Variants in HROB observed in about 807,000 individuals in gnomAD.
The protein encoded by HROB is homologous recombination OB-fold protein.
A neutral mutation model predicts 61.0 loss-of-function variants in HROB; 44 were observed. The observed-to-expected ratio is 0.72, with a 90% confidence interval of 0.57 to 0.93. The LOEUF (loss-of-function observed/expected upper bound fraction) is 0.93. Ranked by LOEUF, HROB falls within the 40% of genes least tolerant of loss-of-function variation. The pLI, the probability that HROB is intolerant of heterozygous loss-of-function variation, is 0.00. For synonymous variants in HROB, 301 were observed against 310.4 expected, an observed-to-expected ratio of 0.97 and a Z score of 0.32; for missense variants, 716 against 796.2, an observed-to-expected ratio of 0.90 and a Z score of 1.21.
In HROB at chr17:44,149,084, C is replaced by T. The variant is rs533792096; in HGVS notation, c.1224+57C>T. 72 of 1,495,596 alleles carry T rather than the reference C, an allele frequency of 4.8e-5. No individual in the cohort carries two copies. In the South Asian group the frequency reaches 8.4e-4, roughly 17 times the overall value. 92.6% of individuals were successfully genotyped at this position (1,495,596 alleles called of 1,614,324 possible). On this transcript the variant is annotated intron_variant, in intron 3 of 9. Coordinates refer to ENST00000585683, the MANE Select transcript of HROB (RefSeq NM_001171251.3). ...GCAAGGGAGAGAAGCAGGGTTCCAG[C>T]ACTGTCCAGCCCTAGCATATCTTCC...
Position 44,161,780 on chromosome 17 carries a change from C to T in HROB, c.1880-91C>T, listed in dbSNP as rs540119386. 1.5e-4 allele frequency: 213 copies of T among 1,404,850 alleles called. 1 individual carries two copies. In the African/African-American group the frequency reaches 2.8e-3, roughly 18 times the overall value. The allele number at this position is 1,404,850 out of a possible 1,614,324, so 87.0% of individuals were successfully genotyped here. A position where few individuals can be genotyped will look rare whatever the true frequency, so the allele number is the denominator to read the frequency against. On this transcript the variant is annotated intron_variant, in intron 9 of 9. Transcript: ENST00000585683. ...GCCTGCCCAGCTATACAGCCAGGTC[C>T]AGGCCCTCCTGAAGGGCAGAAACTT...
At chr17:44,158,593 C>T (rs1467149348) in intron 9 of HROB, among the ~76,000 whole-genome samples, 5 of 152,118 alleles carry the variant, frequency 3.3e-5, no homozygotes, top group African/African-American at 1.2e-4. Context: ...AGCAGTCCTC[C>T]CACCTCAGCC....
rs1156855939 is a variant in HROB, at chr17:44,142,466, C to CTTTTTT, written c.3+335_3+340dup. Among the ~76,000 whole-genome samples, 13 of 137,854 alleles carry CTTTTTT rather than the reference C, an allele frequency of 9.4e-5. 4 individuals are homozygous for CTTTTTT. Among genetic ancestry groups the CTTTTTT allele is most frequent in the African/African-American group, 5.4e-5 (2 of 37,224 alleles). 90.4% of individuals were successfully genotyped at this position (137,854 alleles called of 152,430 possible). A position where few individuals can be genotyped will look rare whatever the true frequency, so the allele number is the denominator to read the frequency against. Reference sequence around the variant, plus strand: ...TCCCCTCCCCGCCCCACACTTTCTACTTTTTTTTTTTTTTTTTTTGGACGA... The same window carrying CTTTTTT: ...TCCCCTCCCCGCCCCACACTTTCTACTTTTTTTTTTTTTTTTTTTTTTTTTGGACGA... On this transcript the variant is annotated intron_variant, in intron 1 of 9. Coordinates refer to ENST00000585683, the MANE Select transcript of HROB (RefSeq NM_001171251.3).
At chr17:44,155,066 C>A in intron 7 of HROB, 128 bp downstream of exon 7, 1 of 1,340,230 alleles carries the variant, frequency 7.5e-7, no homozygotes. Context: ...TAGGCCCTGG[C>A]TTGAGCTCAG....
At position 44,155,357 on chromosome 17, in the gene HROB, C is replaced by T. The variant is rs143332250; in HGVS notation, c.1716C>T (p.Tyr572=). 4.9e-5 allele frequency: 79 copies of T among 1,614,076 alleles called. No homozygotes were observed. The highest frequency in any genetic ancestry group is 6.3e-5 in the Non-Finnish European group (74 of 1,180,042). Residue 572 remains tyrosine (Y), a synonymous_variant, in exon 8 of 10, where the codon TAC becomes TAT. Transcript: ENST00000585683. ...CACCCAACAACCTGGTCCATATTTACAGCCCGGATTCTGGGGATGGGAGCT... is the reference window on the plus strand; with the variant it reads ...CACCCAACAACCTGGTCCATATTTATAGCCCGGATTCTGGGGATGGGAGCT... ...NVTPNNLVHI[Y]SPDSGDGSFL... is the part of the protein sequence containing the mutation.
At chr17:44,156,568 A>G (rs1715211186) in intron 8 of HROB, among the ~76,000 whole-genome samples, 1 of 152,194 alleles carries the variant, frequency 6.6e-6, no homozygotes, top group Non-Finnish European at 1.5e-5. Context: ...ATTGAAATAA[A>G]TCAAAATAGC....
At position 44,154,582 on chromosome 17, in the gene HROB, C is replaced by G; in HGVS notation, c.1476C>G (p.Asn492Lys). Residue 492 changes from asparagine (N) to lysine (K), a missense_variant, in exon 6 of 10, where the codon AAC (asparagine) becomes AAG (lysine). Coordinates refer to ENST00000585683, the MANE Select transcript of HROB (RefSeq NM_001171251.3). ...RKAALKQLPR[N>K]KVPNMAVMIK... The stretch of plus-strand genomic sequence containing the variant: ...CAGCCCTGAAGCAGCTTCCTAGGAA[C>G]AAGGTCCCCAACATGGCGGTGATGA... 2 of 1,614,160 alleles carry G rather than the reference C, an allele frequency of 1.2e-6. No homozygotes were observed. The highest frequency in any genetic ancestry group is 1.1e-5 in the South Asian group (1 of 91,076).
intron 2 of HROB, among the ~76,000 whole-genome samples, chr17:44,146,240 G>A (rs2053608066): frequency 6.6e-6 from 1 of 152,142 alleles, no homozygotes; most frequent in African/African-American, 2.4e-5. Context: ...TGTAGAGACA[G>A]GGTCTTACTA....
intron 5 of HROB, chr17:44,154,239 G>C (rs914552218): frequency 1.2e-5 from 3 of 256,314 alleles, no homozygotes; most frequent in Non-Finnish European, 2.3e-5. Flanking sequence ...CTACTTGGGA[G>C]CCTGAGGCAG....
Position 44,148,973 on chromosome 17 carries a change from C to T in HROB, c.1170C>T (p.Ser390=). 6.2e-7 allele frequency: 1 copy of T among 1,614,092 alleles called. No individual in the cohort carries two copies. Among genetic ancestry groups the T allele is most frequent in the Non-Finnish European group, 8.5e-7 (1 of 1,179,962 alleles). The stretch of plus-strand genomic sequence containing the variant: ...CACCCCAGCAGCCCACCCATCCCTC[C>T]ACCCGAGCCAAAACTCGCCGTTTCC... ...SRTPQQPTHP[S]TRAKTRRFPG... The change falls in exon 3 of 10, where the codon TCC becomes TCT. Residue 390 remains serine (S), a synonymous_variant. Transcript: ENST00000585683.
At chr17:44,146,415 G>A (rs1458662882) in intron 2 of HROB, among the ~76,000 whole-genome samples, 1 of 152,136 alleles carries the variant, frequency 6.6e-6, no homozygotes, top group Non-Finnish European at 1.5e-5. Flanking sequence ...CCTTGTCTTT[G>A]TCTTTCAGCT....
chr17:44,152,703 T>G lies in HROB; in HGVS notation c.1375T>G (p.Ser459Ala), dbSNP rs1352940603. The change falls in exon 5 of 10, where the codon TCC becomes GCC. Residue 459 changes from serine to alanine, a missense_variant. By Grantham distance (99) the Ser-to-Ala change is moderately conservative. Transcript: ENST00000585683. ...GCGAGGGCCCTGGCTGACCATGAAATCCACGCTAGGCCTGGATGAGAGAGA... is the reference window on the plus strand; with the variant it reads ...GCGAGGGCCCTGGCTGACCATGAAAGCCACGCTAGGCCTGGATGAGAGAGA... ...FGRGPWLTMK[S>A]TLGLDERDPS... The G allele has an allele frequency of 3.1e-6, 5 of 1,614,038 alleles. No homozygotes were observed. Among genetic ancestry groups the G allele is most frequent in the Non-Finnish European group, 4.2e-6 (5 of 1,180,034 alleles).
chr17:44,150,850 T>C, intron 3 of HROB, 111 bp from the exon 4 acceptor site: 1 of 874,444 alleles, frequency 1.1e-6, no homozygotes, highest in Non-Finnish European at 1.9e-6. Flanking sequence ...TAATATGTGT[T>C]AATAGTCCCT....
At position 44,148,735 on chromosome 17, in the gene HROB, AAGCTCATTTACCCAG is replaced by A; in HGVS notation, c.934_948del (p.Ala312_Arg316del). 1 of 1,614,164 alleles carries A rather than the reference AAGCTCATTTACCCAG, an allele frequency of 6.2e-7. No homozygotes were observed. The highest frequency in any genetic ancestry group is 8.5e-7 in the Non-Finnish European group (1 of 1,180,016). On this transcript the variant is annotated inframe_deletion, in exon 3 of 10. Coordinates refer to ENST00000585683, the MANE Select transcript of HROB (RefSeq NM_001171251.3). ...TCTCCAAGTTCCTGGTTAAGTGGCA[AAGCTCATTTACCCAG>A]ACCTCGAACTCCCAACTCAAGCTGT...
intron 2 of HROB, 49 bp downstream of exon 2, chr17:44,145,302 A>G (rs1479205490): frequency 6.2e-7 from 1 of 1,603,922 alleles, no homozygotes; most frequent in Non-Finnish European, 8.5e-7. Flanking sequence ...CTTAAAATGT[A>G]AACACTCAGG....
Position 44,162,183 on chromosome 17 carries a change from C to T in HROB, c.*251C>T. 2.0e-6 allele frequency: 1 copy of T among 489,572 alleles called. No individual in the cohort carries two copies. Among genetic ancestry groups the T allele is most frequent in the East Asian group, 3.6e-5 (1 of 27,986 alleles). 30.3% of individuals were successfully genotyped at this position (489,572 alleles called of 1,614,324 possible). On this transcript the variant is annotated 3_prime_UTR_variant, in exon 10 of 10. Transcript: ENST00000585683. The stretch of plus-strand genomic sequence containing the variant: ...TGGCTCTCCAGCCAACAAGAAAGGC[C>T]TGTCACCCTCGCCTTGGGTGTCCCT...
intron 9 of HROB, among the ~76,000 whole-genome samples, chr17:44,158,629 T>G (rs191429509): frequency 6.7e-6 from 1 of 150,366 alleles, no homozygotes; most frequent in Non-Finnish European, 1.5e-5. Flanking sequence ...ACTATAGGTA[T>G]GTGCCACTAT....
At chr17:44,145,459 A>G (rs1434084161) in intron 2 of HROB, among the ~76,000 whole-genome samples, 4 of 152,218 alleles carry the variant, frequency 2.6e-5, no homozygotes, top group African/African-American at 9.6e-5. Flanking sequence ...TGAATTGCCT[A>G]ATTGTCATAC....
At chr17:44,160,102 C>T (rs1455256204) in intron 9 of HROB, among the ~76,000 whole-genome samples, 1 of 152,256 alleles carries the variant, frequency 6.6e-6, no homozygotes, top group Non-Finnish European at 1.5e-5. Context: ...GGCGCTACTG[C>T]TAGACCAAGG....
Sources: allele counts gnomAD v4.1 joint callset (sites outside exome capture counted in the v4.1 genomes callset), GRCh38; gene constraint gnomAD v4.1.1; transcripts MANE v1.5; gene names NCBI Gene and HGNC (gene_info 2026-07-23, HGNC 2026-07-21).